The following ARL15 variants were observed in gnomAD, a reference collection of about 807,000 sequenced individuals.
The protein encoded by ARL15 is ADP-ribosylation factor-like protein 15.
Under a neutral mutation model 25.2 loss-of-function variants are expected in ARL15, and 19 were observed. That is an observed-to-expected ratio of 0.75 (90% confidence interval 0.53 to 1.10). ARL15 has a LOEUF of 1.10. ARL15 is among the 50% of genes least tolerant of loss of function. The pLI, the probability that ARL15 is intolerant of heterozygous loss-of-function variation, is 0.00. For synonymous variants in ARL15, 94 were observed against 86.8 expected, an observed-to-expected ratio of 1.08 and a Z score of -0.46; for missense variants, 220 against 246.0, an observed-to-expected ratio of 0.89 and a Z score of 0.71.
At chr5:54,108,028 T>C (rs965291970) in intron 4 of ARL15, among the ~76,000 whole-genome samples, 4 of 152,114 alleles carry the variant, frequency 2.6e-5, no homozygotes, top group South Asian at 2.1e-4. Context: ...AGAATGCATA[T>C]AGAAATAAAT....
In ARL15 at chr5:54,104,442, A is replaced by G. The variant is rs116524909; in HGVS notation, c.462+8760T>C. Among the ~76,000 whole-genome samples, 7 of 152,148 alleles carry G rather than the reference A, an allele frequency of 4.6e-5. No individual in the cohort carries two copies. The East Asian group carries it at 1.2e-3, about 25-fold the overall frequency. On this transcript the variant is annotated intron_variant, in intron 4 of 4. Coordinates refer to ENST00000504924, the MANE Select transcript of ARL15 (RefSeq NM_019087.3). ...TTCATCTCTGTGACTTGTGATGCCAATATTTGCAGTACCTTGCAAAGAAGT... is the reference window on the plus strand; with the variant it reads ...TTCATCTCTGTGACTTGTGATGCCAGTATTTGCAGTACCTTGCAAAGAAGT...
chr5:54,069,630 G>A (rs1165046390), intron 4 of ARL15, among the ~76,000 whole-genome samples: 27 of 139,242 alleles, frequency 1.9e-4, no homozygotes, highest in Non-Finnish European at 1.5e-5. Context: ...AGCATTAAAA[G>A]ATAGGGAAGA....
intron 1 of ARL15, chr5:54,285,432 T>G (rs1025526334): frequency 1.7e-6 from 1 of 577,362 alleles, no homozygotes. Context: ...AAAATAAACG[T>G]TATTTACTAT....
chr5:54,063,341 C>T (rs1272529953), intron 4 of ARL15, among the ~76,000 whole-genome samples: 2 of 152,176 alleles, frequency 1.3e-5, no homozygotes, highest in African/African-American at 2.4e-5. Flanking sequence ...CTGGGAAAAA[C>T]AGATTTAGAG....
At chr5:54,021,510 A>G (rs1192808696) in intron 4 of ARL15, among the ~76,000 whole-genome samples, 3 of 152,234 alleles carry the variant, frequency 2.0e-5, no homozygotes, top group African/African-American at 4.8e-5. Context: ...ACTCAATAAT[A>G]GAAGAGCGAA....
At chr5:53,952,176 T>C (rs1746995155) in intron 4 of ARL15, among the ~76,000 whole-genome samples, 1 of 151,974 alleles carries the variant, frequency 6.6e-6, no homozygotes, top group Admixed American at 6.6e-5. Flanking sequence ...GGCAGAGAAT[T>C]GCTTGAACCC....
chr5:53,903,041 A>G (rs1745121619), intron 4 of ARL15, among the ~76,000 whole-genome samples: 1 of 152,154 alleles, frequency 6.6e-6, no homozygotes, highest in African/African-American at 2.4e-5. Context: ...ACTGAGAAAT[A>G]TGAGCTTGGA....
chr5:53,892,254 GA>G (rs996437613), intron 4 of ARL15, among the ~76,000 whole-genome samples: 3 of 152,194 alleles, frequency 2.0e-5, no homozygotes, highest in Admixed American at 6.5e-5. Flanking sequence ...TCCATCTCTG[GA>G]AAAGGAAACA....
At chr5:54,207,905 A>T (rs995733358) in intron 1 of ARL15, among the ~76,000 whole-genome samples, 3 of 152,222 alleles carry the variant, frequency 2.0e-5, no homozygotes, top group Admixed American at 6.5e-5. Flanking sequence ...CCACCCTGGT[A>T]GAAGGCTACA....
At chr5:53,976,657 G>C (rs1191861216) in intron 4 of ARL15, among the ~76,000 whole-genome samples, 1 of 152,204 alleles carries the variant, frequency 6.6e-6, no homozygotes, top group Non-Finnish European at 1.5e-5. Flanking sequence ...GGACAAACAG[G>C]AAGAGAAATG....
chr5:53,898,691 G>T (rs1480327211), intron 4 of ARL15, among the ~76,000 whole-genome samples: 4 of 151,730 alleles, frequency 2.6e-5, no homozygotes, highest in African/African-American at 9.7e-5. Flanking sequence ...TGTTGCCCAG[G>T]CTGGAGTATA....
chr5:54,157,420 T>C (rs1754270684), intron 2 of ARL15, among the ~76,000 whole-genome samples: 1 of 152,324 alleles, frequency 6.6e-6, no homozygotes, highest in Non-Finnish European at 1.5e-5. Context: ...TTTATTATTT[T>C]ATTTTTTTTG....
Position 54,127,958 on chromosome 5 carries a change from C to T in ARL15, c.254-14548G>A, listed in dbSNP as rs1370927817. ...TAATAAATGGTGCTGGGAAAACTGG[C>T]TAGCCATATGTAGCAAGCTGAAACT... On this transcript the variant is annotated intron_variant, in intron 3 of 4. Coordinates refer to ENST00000504924, the MANE Select transcript of ARL15 (RefSeq NM_019087.3). 3.9e-5 allele frequency among the ~76,000 whole-genome samples: 6 copies of T among 151,958 alleles called. No homozygotes were observed. In the South Asian group the frequency reaches 1.0e-3, roughly 26 times the overall value.
intron 2 of ARL15, among the ~76,000 whole-genome samples, chr5:54,159,339 G>A (rs1008514246): frequency 6.6e-6 from 1 of 152,100 alleles, no homozygotes; most frequent in African/African-American, 2.4e-5. Flanking sequence ...CTTCAAACAG[G>A]AAGTGTCCTC....
rs562629424 is a variant in ARL15, at chr5:54,193,649, A to C, written c.49-21721T>G. On this transcript the variant is annotated intron_variant, in intron 1 of 4. Coordinates refer to ENST00000504924, the MANE Select transcript of ARL15 (RefSeq NM_019087.3). ...AGTCGATAGAAAAACTGTCTTCCAC[A>C]AAACTGGTCCCTGGCATCAAAAAGC... 2.2e-4 allele frequency among the ~76,000 whole-genome samples: 34 copies of C among 152,220 alleles called. 1 individual carries two copies. The highest frequency in any genetic ancestry group is 3.8e-4 in the Non-Finnish European group (26 of 67,992).
At chr5:54,034,813 G>A (rs1750119015) in intron 4 of ARL15, among the ~76,000 whole-genome samples, 1 of 150,720 alleles carries the variant, frequency 6.6e-6, no homozygotes, top group East Asian at 2.0e-4. Flanking sequence ...AGCACATGCC[G>A]CCACACTCAG....
intron 4 of ARL15, among the ~76,000 whole-genome samples, chr5:53,983,601 T>C (rs1039289940): frequency 6.6e-6 from 1 of 152,216 alleles, no homozygotes; most frequent in Non-Finnish European, 1.5e-5. Context: ...TTTTGGACCA[T>C]AGCTACTGTA....
At chr5:53,985,033 GCTCA>G (rs1188890182) in intron 4 of ARL15, among the ~76,000 whole-genome samples, 1 of 152,126 alleles carries the variant, frequency 6.6e-6, no homozygotes, top group Non-Finnish European at 1.5e-5. Flanking sequence ...TATGTAAAAA[GCTCA>G]CTATCTAAAT....
At chr5:53,922,646 C>T (rs940208461) in intron 4 of ARL15, among the ~76,000 whole-genome samples, 2 of 152,096 alleles carry the variant, frequency 1.3e-5, no homozygotes, top group Admixed American at 1.3e-4. Context: ...GAGGTCCCAG[C>T]GGGGAGGAAA....
Sources: allele counts gnomAD v4.1 joint callset (sites outside exome capture counted in the v4.1 genomes callset), GRCh38; gene constraint gnomAD v4.1.1; transcripts MANE v1.5; gene names NCBI Gene and HGNC (gene_info 2026-07-23, HGNC 2026-07-21).